Variants in CHD9 observed in about 807,000 individuals in gnomAD.
CHD9 encodes the protein chromodomain helicase DNA binding protein 9.
CHD9 carries 77 observed loss-of-function variants against 316.1 expected under a neutral mutation model. The ratio of observed to expected loss-of-function variants is 0.24; its 90% CI spans 0.20 to 0.29. The LOEUF (loss-of-function observed/expected upper bound fraction) is 0.29, where lower values mean the gene tolerates loss of function less well. Ranked by LOEUF, CHD9 falls within the 10% of genes least tolerant of loss-of-function variation. The probability of loss-of-function intolerance (pLI) is 1.00; values close to 1 mark genes in which losing one functional copy is unlikely to be tolerated. For synonymous variants in CHD9, 1,129 were observed against 1,158.3 expected (o/e 0.97, Z 0.51); for missense variants, 2,763 against 3,438.1 (o/e 0.80, Z 4.91).
At chr16:53,186,201 C>T (rs1171964112) in intron 2 of CHD9, among the ~76,000 whole-genome samples, 1 of 152,224 alleles carries the variant, frequency 6.6e-6, no homozygotes, top group Admixed American at 6.5e-5. Flanking sequence ...TGCAAAGCCA[C>T]AGGGATGGAA....
Position 53,184,435 on chromosome 16 carries a change from C to T in CHD9, c.1453-25047C>T, listed in dbSNP as rs571809462. Among the ~76,000 whole-genome samples, 5 of 152,134 alleles carry T rather than the reference C, an allele frequency of 3.3e-5. No individual in the cohort carries two copies. In the East Asian group the frequency reaches 9.6e-4, roughly 29 times the overall value. Reference sequence around the variant, plus strand: ...CACTGCAGCCTCAACCTCCTGGGCTCAAGCTATCCTCTCACCCCAACCTCC... The same window carrying T: ...CACTGCAGCCTCAACCTCCTGGGCTTAAGCTATCCTCTCACCCCAACCTCC... On this transcript the variant is annotated intron_variant, in intron 2 of 38. Transcript: ENST00000447540.
chr16:53,252,155 T>C (rs2050180874), intron 17 of CHD9, among the ~76,000 whole-genome samples: 1 of 152,088 alleles, frequency 6.6e-6, no homozygotes, highest in South Asian at 2.1e-4. Flanking sequence ...CAAACTATAC[T>C]GTAAGGCCAT....
chr16:53,138,495 A>G (rs2039879575), intron 1 of CHD9, among the ~76,000 whole-genome samples: 1 of 152,190 alleles, frequency 6.6e-6, no homozygotes, highest in Admixed American at 6.5e-5. Context: ...AGGGAAGAAA[A>G]TTCAAGGTAT....
chr16:53,065,638 T>TAAAAA (rs68025976), intron 1 of CHD9, among the ~76,000 whole-genome samples: 54,315 of 102,254 alleles, frequency 0.53, 14,740 homozygotes, highest in Non-Finnish European at 0.61. Context: ...TGTCTTAAAT[T>TAAAAA]AAAAAAAAAA....
chr16:53,127,409 G>A, intron 1 of CHD9, among the ~76,000 whole-genome samples: 1 of 152,122 alleles, frequency 6.6e-6, no homozygotes, highest in East Asian at 1.9e-4. Context: ...GCTTATATAG[G>A]GAATTTTCCA....
At position 53,114,679 on chromosome 16, in the gene CHD9, G is replaced by A. The variant is rs78078506; in HGVS notation, c.-164-41247G>A. Among the ~76,000 whole-genome samples, 91 of 152,150 alleles carry A rather than the reference G, an allele frequency of 6.0e-4. No homozygotes were observed. The East Asian group carries it at 6.8e-3, about 11-fold the overall frequency. Reference sequence around the variant, plus strand: ...CTCGGCTCACTGCAAGCTCCGCCTCGCGGGTTCACGCCATTCTCCTGTCTC... The same window carrying A: ...CTCGGCTCACTGCAAGCTCCGCCTCACGGGTTCACGCCATTCTCCTGTCTC... On this transcript the variant is annotated intron_variant, in intron 1 of 38. Coordinates refer to ENST00000447540, the MANE Select transcript of CHD9 (RefSeq NM_001308319.2).
intron 2 of CHD9, among the ~76,000 whole-genome samples, chr16:53,193,178 G>A (rs550869797): frequency 1.3e-5 from 2 of 152,140 alleles, no homozygotes; most frequent in Admixed American, 6.5e-5. Context: ...GGCCGGGCAC[G>A]GTGGCTCATA....
intron 1 of CHD9, among the ~76,000 whole-genome samples, chr16:53,072,628 A>C (rs149230835): frequency 7.2e-4 from 110 of 152,022 alleles, no homozygotes; most frequent in Admixed American, 1.4e-3. Context: ...CTCTTGCCTC[A>C]GCTTCCCAAA....
At chr16:53,187,745 A>G (rs1031113240) in intron 2 of CHD9, among the ~76,000 whole-genome samples, 3 of 152,216 alleles carry the variant, frequency 2.0e-5, no homozygotes, top group African/African-American at 7.2e-5. Context: ...TTGAATAACT[A>G]TAAGAAGTAA....
Position 53,208,488 on chromosome 16 carries a change from C to A in CHD9, c.1453-994C>A, listed in dbSNP as rs1005549586. On this transcript the variant is annotated intron_variant, in intron 2 of 38. Transcript: ENST00000447540. ...CATCTTGAGCTTGTTGCTGTTTCCT[C>A]GAGTCTTGGTTATTTGTTATAGCCT... is the stretch of plus-strand genomic sequence containing the variant. The A allele has an allele frequency of 1.8e-5, 21 of 1,149,132 alleles. 1 individual carries two copies. The highest frequency in any genetic ancestry group is 4.9e-5 in the African/African-American group (3 of 60,918). 71.2% of individuals were successfully genotyped at this position (1,149,132 alleles called of 1,614,324 possible). A position where few individuals can be genotyped will look rare whatever the true frequency, so the allele number is the denominator to read the frequency against.
chr16:53,063,677 G>A (rs528966880), intron 1 of CHD9, among the ~76,000 whole-genome samples: 137 of 151,178 alleles, frequency 9.1e-4, no homozygotes, highest in African/African-American at 3.0e-3. Flanking sequence ...GACTACAGGC[G>A]CCCGCCACCA....
At chr16:53,251,594 A>G (rs2050132718) in intron 17 of CHD9, among the ~76,000 whole-genome samples, 1 of 152,210 alleles carries the variant, frequency 6.6e-6, no homozygotes, top group African/African-American at 2.4e-5. Flanking sequence ...TGCCCCCTAT[A>G]TATTTTAAAG....
chr16:53,150,765 GT>G (rs1026326351), intron 1 of CHD9, among the ~76,000 whole-genome samples: 1 of 152,102 alleles, frequency 6.6e-6, no homozygotes, highest in Non-Finnish European at 1.5e-5. Flanking sequence ...TTAGTCAACA[GT>G]TTTTTTCTTT....
rs1422613194 is a variant in CHD9, at chr16:53,152,481, A to G, written c.-164-3445A>G. On this transcript the variant is annotated intron_variant, in intron 1 of 38. Transcript: ENST00000447540. Reference sequence around the variant, plus strand: ...CTGAGGAGGCCATTGTGGCTGAAGCAAGGGGGTGAGCAAGAGAGAAGTGCA... The same window carrying G: ...CTGAGGAGGCCATTGTGGCTGAAGCGAGGGGGTGAGCAAGAGAGAAGTGCA... Among the ~76,000 whole-genome samples, 5 of 152,142 alleles carry G rather than the reference A, an allele frequency of 3.3e-5. No homozygotes were observed. The East Asian group carries it at 7.7e-4, about 23-fold the overall frequency.
At chr16:53,261,550 A>G (rs1163217013) in intron 19 of CHD9, among the ~76,000 whole-genome samples, 1 of 151,514 alleles carries the variant, frequency 6.6e-6, no homozygotes, top group Non-Finnish European at 1.5e-5. Flanking sequence ...ATTTTAAAAG[A>G]AATTATTACA....
chr16:53,172,655 G>A (rs1224147144), intron 2 of CHD9, among the ~76,000 whole-genome samples: 4 of 152,206 alleles, frequency 2.6e-5, no homozygotes, highest in Non-Finnish European at 4.4e-5. Flanking sequence ...AGTTCCGTTC[G>A]CTCCACATCG....
intron 2 of CHD9, among the ~76,000 whole-genome samples, chr16:53,209,008 A>G (rs1252453967): frequency 6.6e-6 from 1 of 152,178 alleles, no homozygotes; most frequent in African/African-American, 2.4e-5. Flanking sequence ...TTAAATATTA[A>G]ATGATTTCAG....
chr16:53,238,497 TG>T lies in CHD9; in HGVS notation c.2790del (p.Trp930Ter). On this transcript the variant is annotated frameshift_variant, in exon 12 of 39. Coordinates refer to ENST00000447540, the MANE Select transcript of CHD9 (RefSeq NM_001308319.2). LOFTEE classifies it high-confidence loss of function. ...AAACTGGGAGAGAGAATTTCGTACG[TG>T]GACTGATATTAACGTTGTGGTTTAT... ...IANWEREFRT[W>X]TDINVVVYHG... 1 of 1,613,378 alleles carries T rather than the reference TG, an allele frequency of 6.2e-7. No individual in the cohort carries two copies. The highest frequency in any genetic ancestry group is 8.5e-7 in the Non-Finnish European group (1 of 1,179,500).
intron 1 of CHD9, among the ~76,000 whole-genome samples, chr16:53,086,796 A>G (rs537343829): frequency 6.6e-6 from 1 of 152,280 alleles, no homozygotes; most frequent in African/African-American, 2.4e-5. Context: ...CTCATGGCCA[A>G]TTTTATTGTA....
Sources: gnomAD v4.1 joint callset for allele counts (sites outside exome capture counted in the v4.1 genomes callset) on GRCh38, gnomAD v4.1.1 for gene constraint, MANE v1.5 for transcripts, NCBI Gene and HGNC (gene_info 2026-07-23, HGNC 2026-07-21) for gene names.